EEF2K: variants seen among roughly 807,000 people sequenced by gnomAD.
EEF2K encodes the protein alternative protein EEF2K.
A neutral mutation model predicts 93.8 loss-of-function variants in EEF2K; 70 were observed. The observed-to-expected ratio is 0.75, with a 90% CI of 0.62 to 0.91. The LOEUF (loss-of-function observed/expected upper bound fraction) is 0.91, where lower values mean the gene tolerates loss of function less well. Among genes scored for constraint, EEF2K ranks in the 40% least tolerant of loss-of-function variants. The pLI is 0.00. For missense variants in EEF2K, 935 were observed against 972.9 expected (o/e 0.96, Z 0.52); for synonymous variants, 376 against 380.8 (o/e 0.99, Z 0.15).
intron 2 of EEF2K, among the ~76,000 whole-genome samples, chr16:22,230,779 TTTG>T (rs1425360354): frequency 2.0e-5 from 3 of 152,260 alleles, no homozygotes; most frequent in Non-Finnish European, 4.4e-5. Context: ...TTTGACCTTT[TTTG>T]TTGTTGTTAT....
intron 17 of EEF2K, 134 bp downstream of exon 17, chr16:22,280,510 T>G: frequency 9.4e-7 from 1 of 1,059,072 alleles, no homozygotes; most frequent in South Asian, 2.8e-5. Flanking sequence ...TTTATGGAGC[T>G]AGTATGAAGA....
Position 22,264,826 on chromosome 16 carries a change from A to T in EEF2K, c.1386A>T (p.Ser462=), listed in dbSNP as rs1477459911. 8 of 1,614,022 alleles carry T rather than the reference A, an allele frequency of 5.0e-6. No individual in the cohort carries two copies. The highest frequency in any genetic ancestry group is 6.8e-6 in the Non-Finnish European group (8 of 1,179,942). ...DDPEPREHGH[S]YSNRKYESDE... ...TTTCTTCCTCCGTTCAGGGCCACTC[A>T]TACAGTAATCGGAAGTACGAGTCTG... The change falls in exon 13 of 18, where the codon TCA becomes TCT. Residue 462 remains serine, a synonymous_variant. Coordinates refer to ENST00000263026, the MANE Select transcript of EEF2K (RefSeq NM_013302.5).
At chr16:22,213,284 A>G (rs1376632477) in intron 1 of EEF2K, among the ~76,000 whole-genome samples, 1 of 152,300 alleles carries the variant, frequency 6.6e-6, no homozygotes, top group South Asian at 2.1e-4. Flanking sequence ...CATCTCAAAA[A>G]ACAAAAGAAA....
intron 16 of EEF2K, among the ~76,000 whole-genome samples, chr16:22,275,225 C>A (rs1353329582): frequency 6.6e-6 from 1 of 151,992 alleles, no homozygotes; most frequent in Admixed American, 6.6e-5. Context: ...CCTTTTATTT[C>A]CATTTGAGGT....
At chr16:22,246,341 G>C (rs2047290901) in intron 3 of EEF2K, among the ~76,000 whole-genome samples, 1 of 151,618 alleles carries the variant, frequency 6.6e-6, no homozygotes, top group South Asian at 2.1e-4. Flanking sequence ...GACCAACATG[G>C]TGAAACCCCA....
At chr16:22,256,339 C>T (rs1019569453) in intron 6 of EEF2K, among the ~76,000 whole-genome samples, 9 of 152,088 alleles carry the variant, frequency 5.9e-5, no homozygotes, top group Admixed American at 1.3e-4. Flanking sequence ...CTCAGGTGAT[C>T]CACACACCTT....
chr16:22,229,746 A>G (rs1188581929), intron 2 of EEF2K, among the ~76,000 whole-genome samples: 1 of 152,178 alleles, frequency 6.6e-6, no homozygotes, highest in Non-Finnish European at 1.5e-5. Context: ...ACTTTTTATA[A>G]TAACTGGTGG....
intron 2 of EEF2K, among the ~76,000 whole-genome samples, chr16:22,226,845 AG>A (rs2047069814): frequency 6.6e-6 from 1 of 152,196 alleles, no homozygotes; most frequent in Non-Finnish European, 1.5e-5. Context: ...AGAGGACAAA[AG>A]GGAGGATCAC....
intron 2 of EEF2K, among the ~76,000 whole-genome samples, chr16:22,241,337 T>C (rs1166422071): frequency 6.6e-6 from 1 of 152,042 alleles, no homozygotes; most frequent in Non-Finnish European, 1.5e-5. Context: ...TATGGTATGA[T>C]ACCAATCTTA....
intron 17 of EEF2K, among the ~76,000 whole-genome samples, chr16:22,283,100 G>A (rs373577612): frequency 4.4e-4 from 67 of 152,238 alleles, no homozygotes; most frequent in African/African-American, 1.6e-3. Context: ...CCTGCGGTCA[G>A]GAGATCGAGA....
At chr16:22,268,932 G>C (rs1409446914) in intron 15 of EEF2K, among the ~76,000 whole-genome samples, 1 of 151,630 alleles carries the variant, frequency 6.6e-6, no homozygotes, top group Non-Finnish European at 1.5e-5. Context: ...ACTCCAGCCT[G>C]GGCAACAGAG....
At chr16:22,283,760 C>T in intron 17 of EEF2K, 127 bp from the exon 18 acceptor site, 1 of 856,924 alleles carries the variant, frequency 1.2e-6, no homozygotes, top group Non-Finnish European at 1.9e-6. Flanking sequence ...AGGGAGAGGG[C>T]ACACGGAGTA....
chr16:22,274,172 G>A (rs1393423620), intron 16 of EEF2K, among the ~76,000 whole-genome samples: 1 of 152,160 alleles, frequency 6.6e-6, no homozygotes, highest in African/African-American at 2.4e-5. Flanking sequence ...GCCGGGCATG[G>A]TGGCTCACGC....
At chr16:22,230,231 C>T (rs1186401230) in intron 2 of EEF2K, among the ~76,000 whole-genome samples, 4 of 149,186 alleles carry the variant, frequency 2.7e-5, no homozygotes, top group South Asian at 2.1e-4. Flanking sequence ...TTTTTTTTTT[C>T]GAGACAGGGT....
At chr16:22,231,024 C>A (rs1270994968) in intron 2 of EEF2K, among the ~76,000 whole-genome samples, 4 of 151,706 alleles carry the variant, frequency 2.6e-5, no homozygotes, top group African/African-American at 9.7e-5. Context: ...ATAATAAAGT[C>A]AAAAAATGTT....
At chr16:22,207,349 A>T (rs1404927042) in intron 1 of EEF2K, among the ~76,000 whole-genome samples, 1 of 151,884 alleles carries the variant, frequency 6.6e-6, no homozygotes, top group African/African-American at 2.4e-5. Flanking sequence ...GCCCAGGGGG[A>T]CGGTCCCAGG....
rs747148020 is a variant in EEF2K at position 22,225,776 on chromosome 16, G to A, written c.47G>A (p.Gly16Asp). ...LIFRLEGVDGGQSPRAGHDGD... is the reference protein window; with the variant it reads ...LIFRLEGVDGDQSPRAGHDGD... ...TTCCGCCTGGAAGGCGTTGATGGCG[G>A]CCAGTCCCCCCGAGCTGGCCATGAT... The change falls in exon 2 of 18, where the codon GGC becomes GAC. Residue 16 changes from glycine (G) to aspartate (D), a missense_variant. Physicochemically the swap from Gly to Asp is moderately conservative, Grantham distance 94. Coordinates refer to ENST00000263026, the MANE Select transcript of EEF2K (RefSeq NM_013302.5). The A allele has an allele frequency of 6.2e-7, 1 of 1,614,196 alleles. No individual in the cohort carries two copies. Among genetic ancestry groups the A allele is most frequent in the Non-Finnish European group, 8.5e-7 (1 of 1,180,042 alleles).
intron 6 of EEF2K, among the ~76,000 whole-genome samples, chr16:22,256,299 G>A (rs2047397824): frequency 6.6e-6 from 1 of 152,090 alleles, no homozygotes; most frequent in African/African-American, 2.4e-5. Context: ...GTTTCACCAT[G>A]TTGGCCACGG....
intron 1 of EEF2K, among the ~76,000 whole-genome samples, chr16:22,215,026 T>C (rs1465125431): frequency 6.6e-6 from 1 of 152,096 alleles, no homozygotes; most frequent in African/African-American, 2.4e-5. Flanking sequence ...GTAAATGAAG[T>C]AATGGCCTGG....
Sources: allele counts gnomAD v4.1 joint callset (sites outside exome capture counted in the v4.1 genomes callset), GRCh38; gene constraint gnomAD v4.1.1; transcripts MANE v1.5; gene names NCBI Gene and HGNC (gene_info 2026-07-23, HGNC 2026-07-21).